The following GOLIM4 variants were observed in gnomAD, a reference collection of about 807,000 sequenced individuals.
The protein encoded by GOLIM4 is golgi integral membrane protein 4, also known as 130 kDa golgi-localized phosphoprotein.
A neutral mutation model predicts 107.4 loss-of-function variants in GOLIM4; 71 were observed. The ratio of observed to expected loss-of-function variants is 0.66; its 90% CI spans 0.55 to 0.81. GOLIM4 has a LOEUF of 0.81. GOLIM4 is among the 30% of genes least tolerant of loss of function. The pLI is 0.00. For missense variants in GOLIM4, 830 were observed against 826.1 expected (o/e 1.00, Z -0.06); for synonymous variants, 327 against 294.8 (o/e 1.11, Z -1.12).
intron 1 of GOLIM4, among the ~76,000 whole-genome samples, chr3:168,080,866 T>C (rs913026189): frequency 1.3e-5 from 2 of 152,224 alleles, no homozygotes; most frequent in African/African-American, 4.8e-5. Context: ...AACCAAAACA[T>C]ACCTATATGC....
At chr3:168,074,646 A>AT (rs1720983414) in intron 1 of GOLIM4, among the ~76,000 whole-genome samples, 1 of 152,214 alleles carries the variant, frequency 6.6e-6, no homozygotes, top group African/African-American at 2.4e-5. Flanking sequence ...TTTGTAACCT[A>AT]CTGGGCTACT....
chr3:168,024,662 G>GA, intron 13 of GOLIM4, 68 bp from the exon 14 acceptor site: 1 of 1,273,272 alleles, frequency 7.9e-7, no homozygotes, highest in Non-Finnish European at 1.1e-6. Context: ...AGTACTCTGG[G>GA]ACAAAGAACA....
At position 168,026,394 on chromosome 3, in the gene GOLIM4, G is replaced by A. The variant is rs368338056; in HGVS notation, c.1624-1299C>T. 5.3e-5 allele frequency among the ~76,000 whole-genome samples: 8 copies of A among 152,250 alleles called. No individual in the cohort carries two copies. In the East Asian group the frequency reaches 5.8e-4, roughly 11 times the overall value. ...AATTGACTAGCTCAACTCCGACCAC[G>A]TAACAGGTATGAATTAGCAGGCACA... On this transcript the variant is annotated intron_variant, in intron 12 of 15. Transcript: ENST00000470487.
At chr3:168,057,438 C>T (rs1302132607) in intron 1 of GOLIM4, among the ~76,000 whole-genome samples, 3 of 152,156 alleles carry the variant, frequency 2.0e-5, no homozygotes, top group South Asian at 2.1e-4. Flanking sequence ...CACAGTTCCG[C>T]ATGGCTAGGG....
intron 4 of GOLIM4, among the ~76,000 whole-genome samples, chr3:168,043,984 C>CT (rs1165491898): frequency 1.3e-5 from 2 of 152,176 alleles, no homozygotes; most frequent in Non-Finnish European, 1.5e-5. Context: ...GTAAATGAGA[C>CT]TTTTCCCTTT....
Position 168,027,715 on chromosome 3 carries a change from A to T in GOLIM4, c.1623+13T>A. The stretch of plus-strand genomic sequence containing the variant: ...AGTTTACATGTGTCAGGGGCAGAAG[A>T]GAGGATACTTACATCTGCCTCAGAT... On this transcript the variant is annotated intron_variant, in intron 12 of 15. Transcript: ENST00000470487. The T allele has an allele frequency of 6.8e-7, 1 of 1,475,900 alleles. No individual in the cohort carries two copies. The highest frequency in any genetic ancestry group is 9.5e-7 in the Non-Finnish European group (1 of 1,054,212). The allele number at this position is 1,475,900 out of a possible 1,614,324, so 91.4% of individuals were successfully genotyped here.
At chr3:168,018,364 C>T (rs1717491548) in intron 14 of GOLIM4, among the ~76,000 whole-genome samples, 2 of 152,170 alleles carry the variant, frequency 1.3e-5, no homozygotes, top group African/African-American at 4.8e-5. Flanking sequence ...TTGGACAAAA[C>T]TTGGCCTGTC....
intron 1 of GOLIM4, among the ~76,000 whole-genome samples, chr3:168,071,074 G>A (rs976965764): frequency 3.3e-5 from 5 of 152,206 alleles, no homozygotes; most frequent in African/African-American, 1.2e-4. Context: ...AGTCACCTGA[G>A]CCTGGGAGGG....
chr3:168,055,790 A>T (rs1719922866), intron 1 of GOLIM4, among the ~76,000 whole-genome samples: 1 of 142,238 alleles, frequency 7.0e-6, no homozygotes. Context: ...CGACAGAGCA[A>T]GACTCTGTCT....
intron 14 of GOLIM4, among the ~76,000 whole-genome samples, chr3:168,011,554 G>GGCCT (rs1435174456): frequency 1.3e-5 from 2 of 151,816 alleles, no homozygotes; most frequent in African/African-American, 2.4e-5. Context: ...AGCTCAAGGA[G>GGCCT]GCCTGCCTGC....
intron 12 of GOLIM4, among the ~76,000 whole-genome samples, chr3:168,026,494 A>G (rs1254799465): frequency 2.0e-5 from 3 of 152,228 alleles, no homozygotes; most frequent in Non-Finnish European, 4.4e-5. Context: ...GAAGAATGGT[A>G]CAAAGGCCAA....
intron 1 of GOLIM4, among the ~76,000 whole-genome samples, chr3:168,079,301 A>C (rs1056369817): frequency 6.6e-6 from 1 of 152,206 alleles, no homozygotes; most frequent in Non-Finnish European, 1.5e-5. Flanking sequence ...TCACAATGTT[A>C]AGCAAAAGAA....
At chr3:168,079,359 A>G (rs1721227886) in intron 1 of GOLIM4, among the ~76,000 whole-genome samples, 1 of 152,218 alleles carries the variant, frequency 6.6e-6, no homozygotes, top group Non-Finnish European at 1.5e-5. Flanking sequence ...CACAAAGTAC[A>G]AAAACAGGTG....
chr3:168,075,286 GTTTTTTT>G (rs374374393), intron 1 of GOLIM4, among the ~76,000 whole-genome samples: 2 of 94,226 alleles, frequency 2.1e-5, no homozygotes, highest in Admixed American at 1.1e-4. Context: ...ACATTCACTA[GTTTTTTT>G]TTTTTTTTTT....
At chr3:168,078,570 A>G (rs895270479) in intron 1 of GOLIM4, among the ~76,000 whole-genome samples, 2 of 152,156 alleles carry the variant, frequency 1.3e-5, no homozygotes, top group African/African-American at 2.4e-5. Flanking sequence ...AGATATTTAC[A>G]TTAACTCTGT....
intron 14 of GOLIM4, among the ~76,000 whole-genome samples, chr3:168,019,206 G>A (rs1488830277): frequency 6.6e-6 from 1 of 152,082 alleles, no homozygotes; most frequent in Non-Finnish European, 1.5e-5. Context: ...AAATCTTTAA[G>A]CACATGCAAA....
intron 1 of GOLIM4, among the ~76,000 whole-genome samples, chr3:168,062,189 C>G (rs1377078512): frequency 1.3e-5 from 2 of 152,126 alleles, no homozygotes; most frequent in Non-Finnish European, 2.9e-5. Context: ...TGTGTCAACT[C>G]AAGTTAGGTT....
intron 1 of GOLIM4, among the ~76,000 whole-genome samples, chr3:168,082,134 C>T (rs981075255): frequency 2.0e-5 from 3 of 152,164 alleles, no homozygotes; most frequent in Non-Finnish European, 4.4e-5. Flanking sequence ...CTGATTAACG[C>T]TATGGCTTCT....
chr3:168,019,309 T>C (rs1717550998), intron 14 of GOLIM4, among the ~76,000 whole-genome samples: 2 of 152,246 alleles, frequency 1.3e-5, no homozygotes, highest in South Asian at 4.1e-4. Flanking sequence ...ATCACTTTTC[T>C]ATTTTTTACA....
Sources: gnomAD v4.1 joint callset for allele counts (sites outside exome capture counted in the v4.1 genomes callset) on GRCh38, gnomAD v4.1.1 for gene constraint, MANE v1.5 for transcripts, NCBI Gene and HGNC (gene_info 2026-07-23, HGNC 2026-07-21) for gene names.